The following KCNN2 variants were observed in gnomAD, a reference collection of about 807,000 sequenced individuals.
The protein encoded by KCNN2 is potassium calcium-activated channel subfamily N member 2.
A neutral mutation model predicts 55.5 loss-of-function variants in KCNN2; 24 were observed. The ratio of observed to expected loss-of-function variants is 0.43; its 90% CI spans 0.31 to 0.61. KCNN2 has a LOEUF of 0.61. KCNN2 is among the 20% of genes least tolerant of loss of function. The pLI, the probability that KCNN2 is intolerant of heterozygous loss-of-function variation, is 0.08. For synonymous variants in KCNN2, 431 were observed against 336.1 expected (o/e 1.28, Z -3.09); for missense variants, 754 against 853.6 (o/e 0.88, Z 1.45).
At chr5:114,206,728 G>A (rs558968522) in intron 1 of KCNN2, among the ~76,000 whole-genome samples, 19 of 150,318 alleles carry the variant, frequency 1.3e-4, no homozygotes, top group African/African-American at 3.9e-4. Context: ...TACCCATCTC[G>A]TCATGGTTTA....
At chr5:114,105,297 G>A (rs77661501) in intron 1 of KCNN2, among the ~76,000 whole-genome samples, 275 of 152,092 alleles carry the variant, frequency 1.8e-3, no homozygotes, top group African/African-American at 6.4e-3. Context: ...AGTGATTTCA[G>A]GAAGATATTT....
chr5:114,124,899 G>T (rs908541884), intron 1 of KCNN2, among the ~76,000 whole-genome samples: 2 of 151,780 alleles, frequency 1.3e-5, no homozygotes, highest in East Asian at 3.9e-4. Flanking sequence ...CACATCTATC[G>T]TTAGAAATAC....
intron 2 of KCNN2, among the ~76,000 whole-genome samples, chr5:114,388,212 G>T (rs1224677856): frequency 6.6e-6 from 1 of 151,934 alleles, no homozygotes; most frequent in Admixed American, 6.6e-5. Flanking sequence ...ATTATTTTGG[G>T]TTCGTAATGT....
At chr5:114,412,615 G>GC (rs1429352946) in intron 3 of KCNN2, among the ~76,000 whole-genome samples, 1 of 152,094 alleles carries the variant, frequency 6.6e-6, no homozygotes, top group African/African-American at 2.4e-5. Flanking sequence ...ATGTGAAATA[G>GC]GGAGCCACAT....
At chr5:114,284,180 G>A (rs1755685264) in intron 2 of KCNN2, among the ~76,000 whole-genome samples, 1 of 152,082 alleles carries the variant, frequency 6.6e-6, no homozygotes, top group Non-Finnish European at 1.5e-5. Flanking sequence ...TATTCTCTTA[G>A]CAAGAAATTC....
At chr5:114,180,373 T>C (rs1380781216) in intron 1 of KCNN2, among the ~76,000 whole-genome samples, 1 of 152,166 alleles carries the variant, frequency 6.6e-6, no homozygotes, top group Admixed American at 6.5e-5. Flanking sequence ...TTTCAGACAA[T>C]ATTTATAACC....
chr5:114,409,927 C>G (rs1227787684), intron 3 of KCNN2, among the ~76,000 whole-genome samples: 1 of 152,080 alleles, frequency 6.6e-6, no homozygotes, highest in African/African-American at 2.4e-5. Context: ...AAGGAAGAAT[C>G]TAGCATTATT....
At chr5:114,134,443 T>A (rs923126343) in intron 1 of KCNN2, among the ~76,000 whole-genome samples, 16 of 148,638 alleles carry the variant, frequency 1.1e-4, no homozygotes, top group Non-Finnish European at 2.4e-4. Context: ...TACTTTAACT[T>A]TGCAATCCAA....
Position 114,404,524 on chromosome 5 carries a change from G to T in KCNN2, c.1305G>T (p.Val435=). The part of the protein sequence containing the change: ...RIFFICLEIL[V]CAIHPIPGNY... Reference sequence around the variant, plus strand: ...TCTTCATCTGCTTGGAAATACTGGTGTGTGCTATTCATCCCATACCTGGGA... The same window carrying T: ...TCTTCATCTGCTTGGAAATACTGGTTTGTGCTATTCATCCCATACCTGGGA... The change falls in exon 3 of 8, where the codon GTG becomes GTT. Residue 435 remains valine (V), a synonymous_variant. Coordinates refer to ENST00000673685, the MANE Select transcript of KCNN2 (RefSeq NM_021614.4). The T allele has an allele frequency of 6.2e-7, 1 of 1,613,406 alleles. No individual in the cohort carries two copies. The highest frequency in any genetic ancestry group is 8.5e-7 in the Non-Finnish European group (1 of 1,179,706).
intron 2 of KCNN2, among the ~76,000 whole-genome samples, chr5:114,237,045 C>T (rs975386326): frequency 2.0e-5 from 3 of 152,062 alleles, no homozygotes; most frequent in African/African-American, 7.2e-5. Context: ...CTAAAATAGT[C>T]TTGAACATAA....
At chr5:114,364,061 G>A (rs914359256) in intron 2 of KCNN2, 60 bp downstream of exon 2, 8 of 1,262,332 alleles carry the variant, frequency 6.3e-6, no homozygotes, top group Non-Finnish European at 8.1e-6. Flanking sequence ...CTAGAGAAAC[G>A]CAAGGCAGCA....
intron 2 of KCNN2, among the ~76,000 whole-genome samples, chr5:114,341,374 T>C (rs1757012083): frequency 6.6e-6 from 1 of 152,100 alleles, no homozygotes; most frequent in African/African-American, 2.4e-5. Context: ...AAGGATAGCA[T>C]AGAAAGTTTG....
At chr5:114,294,656 G>T (rs1424985651) in intron 2 of KCNN2, among the ~76,000 whole-genome samples, 1 of 152,150 alleles carries the variant, frequency 6.6e-6, no homozygotes, top group Admixed American at 6.5e-5. Context: ...GTGCTGAAAA[G>T]AATGTATATT....
intron 1 of KCNN2, among the ~76,000 whole-genome samples, chr5:114,150,167 C>T (rs1013357728): frequency 6.6e-6 from 1 of 152,170 alleles, no homozygotes; most frequent in Non-Finnish European, 1.5e-5. Context: ...TTTGTATTTA[C>T]AATAATCAGG....
intron 2 of KCNN2, among the ~76,000 whole-genome samples, chr5:114,393,767 C>T (rs555360921): frequency 6.6e-6 from 1 of 151,664 alleles, no homozygotes; most frequent in African/African-American, 2.4e-5. Context: ...CAAATAATAG[C>T]ATGTACTTTG....
chr5:114,118,849 T>C (rs1169338456), intron 1 of KCNN2, among the ~76,000 whole-genome samples: 1 of 152,072 alleles, frequency 6.6e-6, no homozygotes, highest in Admixed American at 6.6e-5. Flanking sequence ...TCACTTTTCC[T>C]CACTCAGGAA....
At chr5:114,064,117 G>T (rs143259839) in intron 1 of KCNN2, among the ~76,000 whole-genome samples, 2 of 152,266 alleles carry the variant, frequency 1.3e-5, no homozygotes, top group African/African-American at 4.8e-5. Context: ...GAGTGGCCTG[G>T]ATGCTTATAG....
intron 4 of KCNN2, among the ~76,000 whole-genome samples, chr5:114,467,112 T>C (rs1286304474): frequency 6.6e-6 from 1 of 152,204 alleles, no homozygotes; most frequent in African/African-American, 2.4e-5. Flanking sequence ...CATCACATGG[T>C]GACTCCATTA....
intron 1 of KCNN2, among the ~76,000 whole-genome samples, chr5:114,106,593 C>T (rs1751486961): frequency 7.4e-6 from 1 of 135,806 alleles, no homozygotes. Context: ...TTTGTTGTTG[C>T]TCTAATTTGG....
Sources: allele counts gnomAD v4.1 joint callset (sites outside exome capture counted in the v4.1 genomes callset), GRCh38; gene constraint gnomAD v4.1.1; transcripts MANE v1.5; gene names NCBI Gene and HGNC (gene_info 2026-07-23, HGNC 2026-07-21).